The following ME3 variants were observed in gnomAD, a reference collection of about 807,000 sequenced individuals.
ME3 encodes NADP-dependent malic enzyme, mitochondrial.
In ME3, 48 loss-of-function variants were observed where a neutral mutation model predicts 68.9. That is an observed-to-expected ratio of 0.70 (90% CI 0.55 to 0.89). The LOEUF is 0.89. Among genes scored for constraint, ME3 ranks in the 40% least tolerant of loss-of-function variants. ME3 has a pLI of 0.00. For synonymous variants in ME3, 320 were observed against 318.8 expected, an observed-to-expected ratio of 1.00 and a Z score of -0.04; for missense variants, 675 against 797.4, an observed-to-expected ratio of 0.85 and a Z score of 1.85.
At chr11:86,484,628 C>T (rs1025277960) in intron 7 of ME3, among the ~76,000 whole-genome samples, 2 of 152,146 alleles carry the variant, frequency 1.3e-5, no homozygotes, top group Admixed American at 1.3e-4. Context: ...CCTTCTCACA[C>T]GAATAGCAAT....
intron 2 of ME3, among the ~76,000 whole-genome samples, chr11:86,590,066 A>G (rs1157394004): frequency 6.6e-6 from 1 of 152,214 alleles, no homozygotes; most frequent in East Asian, 1.9e-4. Flanking sequence ...AAACCAGGGA[A>G]GAGACTTGGC....
intron 2 of ME3, among the ~76,000 whole-genome samples, chr11:86,651,643 G>GA (rs1347381069): frequency 6.6e-6 from 1 of 152,170 alleles, no homozygotes; most frequent in African/African-American, 2.4e-5. Flanking sequence ...CAAAGATGGG[G>GA]AAAAAACAGA....
At position 86,633,095 on chromosome 11, in the gene ME3, C is replaced by T. The variant is rs533155017; in HGVS notation, c.183+38667G>A. Among the ~76,000 whole-genome samples, 4 of 152,330 alleles carry T rather than the reference C, an allele frequency of 2.6e-5. No homozygotes were observed. The South Asian group carries it at 8.3e-4, about 32-fold the overall frequency. On this transcript the variant is annotated intron_variant, in intron 2 of 14. Transcript: ENST00000543262. ...TCAGTAATGACCACTGAGTCACCAT[C>T]CAGCATTGTGTGGCCAGGCTGAGGA...
At chr11:86,639,130 TC>T (rs1194572247) in intron 2 of ME3, among the ~76,000 whole-genome samples, 1 of 152,232 alleles carries the variant, frequency 6.6e-6, no homozygotes, top group African/African-American at 2.4e-5. Flanking sequence ...GTCTGAGATC[TC>T]CTGTCTTAGG....
At chr11:86,641,942 C>G (rs1422925436) in intron 2 of ME3, among the ~76,000 whole-genome samples, 1 of 152,102 alleles carries the variant, frequency 6.6e-6, no homozygotes, top group East Asian at 1.9e-4. Context: ...GTCAAACTAG[C>G]CAAGAAAATC....
chr11:86,616,115 G>A (rs534031418), intron 2 of ME3, among the ~76,000 whole-genome samples: 2 of 152,146 alleles, frequency 1.3e-5, no homozygotes, highest in East Asian at 3.9e-4. Flanking sequence ...AGTAAATATT[G>A]TCTGCATTAT....
chr11:86,468,455 A>T (rs949018330), intron 7 of ME3, among the ~76,000 whole-genome samples: 21 of 151,962 alleles, frequency 1.4e-4, no homozygotes, highest in African/African-American at 5.1e-4. Flanking sequence ...CCATCCATTC[A>T]CCCATCCATA....
intron 2 of ME3, among the ~76,000 whole-genome samples, chr11:86,615,698 C>T (rs888470755): frequency 5.3e-5 from 8 of 152,096 alleles, no homozygotes; most frequent in Non-Finnish European, 1.2e-4. Context: ...AGTGAAGCAC[C>T]TCCTTCCTCT....
chr11:86,519,622 C>T (rs988281890), intron 4 of ME3, among the ~76,000 whole-genome samples: 2 of 152,196 alleles, frequency 1.3e-5, no homozygotes, highest in South Asian at 2.1e-4. Context: ...AACAAAGGCT[C>T]GCTGTTGCCA....
intron 2 of ME3, among the ~76,000 whole-genome samples, chr11:86,564,908 A>G (rs148301363): frequency 1.8e-3 from 271 of 152,340 alleles, no homozygotes; most frequent in Non-Finnish European, 2.4e-3. Context: ...TGAAAAGACA[A>G]TCTGTAGAAT....
chr11:86,447,096 C>T, exon 12 of ME3: 1 of 1,614,200 alleles, frequency 6.2e-7, no homozygotes, highest in East Asian at 2.2e-5. Context: ...CTCAGCCGTG[C>T]ACTCGGCCTT....
downstream of ME3, chr11:86,436,275 A>G (rs577087786): frequency 6.6e-6 from 1 of 152,140 alleles, no homozygotes; most frequent in East Asian, 1.9e-4. Context: ...AATGTTAAAC[A>G]TTTTTCATGT....
downstream of ME3, among the ~76,000 whole-genome samples, chr11:86,438,130 C>T (rs976071874): frequency 6.6e-6 from 1 of 152,016 alleles, no homozygotes; most frequent in Non-Finnish European, 1.5e-5. Context: ...AGATGTCCTT[C>T]GTTAGGTTGA....
chr11:86,473,332 A>G (rs1245587357), intron 7 of ME3, among the ~76,000 whole-genome samples: 1 of 152,190 alleles, frequency 6.6e-6, no homozygotes, highest in Non-Finnish European at 1.5e-5. Flanking sequence ...ACCTTCGCAG[A>G]CCACTTTTGG....
intron 4 of ME3, among the ~76,000 whole-genome samples, chr11:86,546,774 T>C (rs1378559080): frequency 6.6e-6 from 1 of 152,178 alleles, no homozygotes; most frequent in African/African-American, 2.4e-5. Context: ...CTCGAAGATG[T>C]AGAACCAGAA....
intron 3 of ME3, among the ~76,000 whole-genome samples, chr11:86,558,458 T>G (rs1957039672): frequency 6.6e-6 from 1 of 151,918 alleles, no homozygotes; most frequent in Admixed American, 6.6e-5. Flanking sequence ...GCTTTGGGAG[T>G]AGGGGTGGAG....
At chr11:86,527,395 T>A (rs1386399919) in intron 4 of ME3, among the ~76,000 whole-genome samples, 1 of 152,204 alleles carries the variant, frequency 6.6e-6, no homozygotes, top group East Asian at 1.9e-4. Flanking sequence ...CTGACTGGTG[T>A]ACCTGAAAGT....
intron 6 of ME3, among the ~76,000 whole-genome samples, chr11:86,495,583 T>A (rs1477172580): frequency 1.3e-5 from 2 of 152,234 alleles, no homozygotes. Context: ...CAAAGTTTGC[T>A]GCGCTCATCC....
rs575814221 is a variant in ME3 at position 86,456,362 on chromosome 11, A to G, written c.920-5964T>C. On this transcript the variant is annotated intron_variant, in intron 8 of 14. Transcript: ENST00000543262. ...TGGGTCTTTTTCTTTTTGGGTGTCA[A>G]CCGTCTTCTGGGGTTATTTGCAGGT... 1.1e-4 allele frequency among the ~76,000 whole-genome samples: 16 copies of G among 152,272 alleles called. 1 individual carries two copies. Among genetic ancestry groups the G allele is most frequent in the South Asian group, 4.1e-4 (2 of 4,820 alleles).
Sources: allele counts gnomAD v4.1 joint callset (sites outside exome capture counted in the v4.1 genomes callset), GRCh38; gene constraint gnomAD v4.1.1; transcripts MANE v1.5; gene names NCBI Gene and HGNC (gene_info 2026-07-23, HGNC 2026-07-21).